Variants in NLGN2 observed in about 807,000 individuals in gnomAD.
NLGN2 encodes neuroligin 2, also known as neuroligin-2.
NLGN2 carries 11 observed loss-of-function variants against 48.6 expected under a neutral mutation model. That is an observed-to-expected ratio of 0.23 (90% CI 0.14 to 0.37). NLGN2 has a LOEUF of 0.37. Ranked by LOEUF, NLGN2 falls within the 10% of genes least tolerant of loss-of-function variation. The pLI, the probability that NLGN2 is intolerant of heterozygous loss-of-function variation, is 1.00. For missense variants in NLGN2, 801 were observed against 1,225.2 expected, an observed-to-expected ratio of 0.65 and a Z score of 5.17; for synonymous variants, 548 against 550.0, an observed-to-expected ratio of 1.00 and a Z score of 0.05.
chr17:7,412,780 A>G (rs1444520424), intron 2 of NLGN2, among the ~76,000 whole-genome samples: 1 of 150,808 alleles, frequency 6.6e-6, no homozygotes, highest in Admixed American at 6.6e-5. Flanking sequence ...CAAAATTTTG[A>G]AAAAAAAATG....
Position 7,415,505 on chromosome 17 carries a change from C to G in NLGN2, c.1038-6C>G. On this transcript the variant is annotated splice_region_variant and splice_polypyrimidine_tract_variant and intron_variant, in intron 5 of 6. Transcript: ENST00000302926. Reference sequence around the variant, plus strand: ...AGGTGGTGAGACCCTGACCCCTTCTCCCCAGCTACCACATCGCCTTTGGGC... The same window carrying G: ...AGGTGGTGAGACCCTGACCCCTTCTGCCCAGCTACCACATCGCCTTTGGGC... 6.2e-7 allele frequency: 1 copy of G among 1,613,856 alleles called. No homozygotes were observed. The highest frequency in any genetic ancestry group is 1.3e-5 in the African/African-American group (1 of 75,058).
intron 6 of NLGN2, among the ~76,000 whole-genome samples, chr17:7,416,440 G>C (rs1907106475): frequency 6.6e-6 from 1 of 152,102 alleles, no homozygotes; most frequent in South Asian, 2.1e-4. Flanking sequence ...GTGTGTGTAA[G>C]AGTTTGTGTG....
At chr17:7,404,930 T>G (rs1400413810), upstream of NLGN2, 1 of 151,558 alleles carries the variant, frequency 6.6e-6, no homozygotes, top group Non-Finnish European at 1.5e-5. Context: ...CGGGCTGGGA[T>G]GGACGCGGGG....
chr17:7,417,625 C>T lies in NLGN2; in HGVS notation c.2334C>T (p.Asp778=), dbSNP rs376556572. 61 of 1,415,976 alleles carry T rather than the reference C, an allele frequency of 4.3e-5. No homozygotes were observed. The highest frequency in any genetic ancestry group is 5.9e-5 in the Admixed American group (2 of 33,992). The allele number at this position is 1,415,976 out of a possible 1,614,324, so 87.7% of individuals were successfully genotyped here. ...DYTLALRRAP[D]DVPLLAPGAL... is the part of the protein sequence containing the mutation. ...CCCTGGCCCTGCGCCGGGCACCGGA[C>T]GATGTGCCTCTCTTGGCCCCCGGGG... The change falls in exon 7 of 7, where the codon GAC becomes GAT. Residue 778 remains aspartate, a synonymous_variant. Transcript: ENST00000302926.
intron 1 of NLGN2, among the ~76,000 whole-genome samples, chr17:7,410,413 C>T (rs553451717): frequency 6.6e-6 from 1 of 152,178 alleles, no homozygotes; most frequent in South Asian, 2.1e-4. Flanking sequence ...GTACATGCCC[C>T]ACGTGCCCCC....
At chr17:7,407,371 G>A (rs1035652645), upstream of NLGN2, among the ~76,000 whole-genome samples, 3 of 152,182 alleles carry the variant, frequency 2.0e-5, no homozygotes, top group Admixed American at 6.5e-5. Context: ...GAAATGGAGA[G>A]AGTCTGGGGA....
At chr17:7,409,693 C>T (rs1374113508) in intron 1 of NLGN2, among the ~76,000 whole-genome samples, 1 of 152,034 alleles carries the variant, frequency 6.6e-6, no homozygotes, top group South Asian at 2.1e-4. Context: ...GCCTGGTACC[C>T]AGGAGCTCCT....
upstream of NLGN2, among the ~76,000 whole-genome samples, chr17:7,407,192 C>T (rs906121374): frequency 2.6e-5 from 4 of 152,208 alleles, no homozygotes; most frequent in Non-Finnish European, 5.9e-5. Context: ...TCCTCCAGAA[C>T]CCCCCTCCAG....
In NLGN2 at chr17:7,411,680, T is replaced by C. The variant is rs1173000123; in HGVS notation, c.458-477T>C. Among the ~76,000 whole-genome samples, 3 of 152,160 alleles carry C rather than the reference T, an allele frequency of 2.0e-5. No individual in the cohort carries two copies. The East Asian group carries it at 5.8e-4, about 29-fold the overall frequency. ...AGCCTTGTGGGGGGCGGCAGGCAGGTGCTTCGCTGGCCCTGAAGGGGGCCT... is the reference window on the plus strand; with the variant it reads ...AGCCTTGTGGGGGGCGGCAGGCAGGCGCTTCGCTGGCCCTGAAGGGGGCCT... On this transcript the variant is annotated intron_variant, in intron 1 of 6. Transcript: ENST00000302926. This position sits in a 1 kb window ranked among gnomAD's most constrained non-coding sequence, Gnocchi z 4.5.
upstream of NLGN2, among the ~76,000 whole-genome samples, chr17:7,405,975 G>T: frequency 6.6e-6 from 1 of 152,180 alleles, no homozygotes; most frequent in East Asian, 1.9e-4. The surrounding 1 kb of genome is among the most constrained non-coding windows in gnomAD (Gnocchi z 6.8). Flanking sequence ...GAGAGAGAAG[G>T]CAGAGGGATA....
rs1597714724 is a variant in NLGN2 at position 7,417,726 on chromosome 17, T to C, written c.2435T>C (p.Phe812Ser). The C allele has an allele frequency of 2.2e-5, 18 of 810,326 alleles. No homozygotes were observed. Among genetic ancestry groups the C allele is most frequent in the South Asian group, 1.6e-4 (5 of 30,818 alleles). 50.2% of individuals were successfully genotyped at this position (810,326 alleles called of 1,614,324 possible). A position where few individuals can be genotyped will look rare whatever the true frequency, so the allele number is the denominator to read the frequency against. ...CCCTCCCTTCATCCCTTCGGGCCCT[T>C]CCCCCCGCCCCCTCCCACCGCCACC... is the stretch of plus-strand genomic sequence containing the variant. ...PPPSLHPFGP[F>S]PPPPPTATSH... The change falls in exon 7 of 7, where the codon TTC (phenylalanine) becomes TCC (serine). Residue 812 changes from phenylalanine (F) to serine (S), a missense_variant. Transcript: ENST00000302926.
At position 7,417,850 on chromosome 17, in the gene NLGN2, C is replaced by A; in HGVS notation, c.*51C>A. ...CCGGCCCTCCCTGGCCCGGCCACTCCGAAGGCAGGGAGGAGGACTTGGCAA... is the reference window on the plus strand; with the variant it reads ...CCGGCCCTCCCTGGCCCGGCCACTCAGAAGGCAGGGAGGAGGACTTGGCAA... On this transcript the variant is annotated 3_prime_UTR_variant, in exon 7 of 7. Coordinates refer to ENST00000302926, the MANE Select transcript of NLGN2 (RefSeq NM_020795.4). 2 of 1,346,510 alleles carry A rather than the reference C, an allele frequency of 1.5e-6. No homozygotes were observed. Among genetic ancestry groups the A allele is most frequent in the Admixed American group, 3.4e-5 (1 of 29,184 alleles). The allele number at this position is 1,346,510 out of a possible 1,614,324, so 83.4% of individuals were successfully genotyped here. A position where few individuals can be genotyped will look rare whatever the true frequency, so the allele number is the denominator to read the frequency against.
At chr17:7,412,851 T>C (rs976556237) in intron 2 of NLGN2, among the ~76,000 whole-genome samples, 2 of 152,212 alleles carry the variant, frequency 1.3e-5, no homozygotes, top group African/African-American at 2.4e-5. Flanking sequence ...TTTTCTTTTC[T>C]TGTTGAATCT....
Position 7,419,068 on chromosome 17 carries a change from G to A in NLGN2, c.*1269G>A, listed in dbSNP as rs117934265. On this transcript the variant is annotated 3_prime_UTR_variant, in exon 7 of 7. Transcript: ENST00000302926. ...CAGTTCTCCGTTCCCCTTCATCTCC[G>A]TCCCCCTCTTTGAAGCTGTCCCCAT... 539 of 152,270 alleles carry A rather than the reference G, an allele frequency of 3.5e-3. 7 individuals carry two copies. The highest frequency in any genetic ancestry group is 0.026 in the East Asian group (136 of 5,162). 9.4% of individuals were successfully genotyped at this position (152,270 alleles called of 1,614,324 possible).
Position 7,408,444 on chromosome 17 carries a change from G to A in NLGN2, c.189G>A (p.Leu63=). ...GVRRELNNEI[L]GPVVQFLGVP... ...GGCGCGAGCTCAACAACGAGATCCT[G>A]GGCCCCGTCGTGCAGTTCTTGGGCG... Residue 63 remains leucine, a synonymous_variant, in exon 1 of 7, where the codon CTG becomes CTA. Coordinates refer to ENST00000302926, the MANE Select transcript of NLGN2 (RefSeq NM_020795.4). This position sits in a 1 kb window ranked among gnomAD's most constrained non-coding sequence, Gnocchi z 7.5. 6.4e-7 allele frequency: 1 copy of A among 1,567,298 alleles called. No homozygotes were observed. Among genetic ancestry groups the A allele is most frequent in the South Asian group, 1.2e-5 (1 of 86,216 alleles).
At position 7,417,517 on chromosome 17, in the gene NLGN2, G is replaced by A; in HGVS notation, c.2226G>A (p.Leu742=). The A allele has an allele frequency of 1.3e-6, 2 of 1,503,522 alleles. No individual in the cohort carries two copies. The highest frequency in any genetic ancestry group is 8.9e-7 in the Non-Finnish European group (1 of 1,129,740). 93.1% of individuals were successfully genotyped at this position (1,503,522 alleles called of 1,614,324 possible). The stretch of plus-strand genomic sequence containing the variant: ...GTGAGCTGCCACCAGAGGAGGAGCT[G>A]GTGTCACTGCAGCTGAAGCGGGGTG... The part of the protein sequence containing the change: ...AGRELPPEEE[L]VSLQLKRGGG... Residue 742 remains leucine (L), a synonymous_variant, in exon 7 of 7, where the codon CTG becomes CTA. Coordinates refer to ENST00000302926, the MANE Select transcript of NLGN2 (RefSeq NM_020795.4).
At position 7,410,774 on chromosome 17, in the gene NLGN2, G is replaced by A. The variant is rs148783378; in HGVS notation, c.458-1383G>A. On this transcript the variant is annotated intron_variant, in intron 1 of 6. Transcript: ENST00000302926. ...CCTGACACATTCAGGTGATCTCACT[G>A]AATCTTCACACCAGCTCTGGGAGGA... Among the ~76,000 whole-genome samples, 1,395 of 152,350 alleles carry A rather than the reference G, an allele frequency of 9.2e-3. 17 individuals are homozygous for A. Among genetic ancestry groups the A allele is most frequent in the African/African-American group, 0.032 (1,321 of 41,570 alleles).
rs1907304354 is a variant in NLGN2, at chr17:7,419,603, C to T, written c.*1804C>T. 6.6e-6 allele frequency: 1 copy of T among 152,572 alleles called. No homozygotes were observed. Among genetic ancestry groups the T allele is most frequent in the East Asian group, 1.9e-4 (1 of 5,200 alleles). The allele number at this position is 152,572 out of a possible 1,614,324, so 9.5% of individuals were successfully genotyped here. On this transcript the variant is annotated 3_prime_UTR_variant, in exon 7 of 7. Coordinates refer to ENST00000302926, the MANE Select transcript of NLGN2 (RefSeq NM_020795.4). ...TGATCCTTTCCCCTGCCTGGTCTAG[C>T]TCCTCTCCAAACAGCCATGCCCTCC...
In NLGN2 at chr17:7,413,855, G is replaced by A. The variant is rs1325839182; in HGVS notation, c.509-489G>A. The stretch of plus-strand genomic sequence containing the variant: ...TGGCACCCCTCACCCACAGACCAGG[G>A]ACCCTAGGCCTGGCACCCCTCACCC... On this transcript the variant is annotated intron_variant, in intron 2 of 6. Coordinates refer to ENST00000302926, the MANE Select transcript of NLGN2 (RefSeq NM_020795.4). This position sits in a 1 kb window ranked among gnomAD's most constrained non-coding sequence, Gnocchi z 4.9. 3.3e-5 allele frequency among the ~76,000 whole-genome samples: 5 copies of A among 151,988 alleles called. No homozygotes were observed. The highest frequency in any genetic ancestry group is 6.6e-5 in the Admixed American group (1 of 15,258).
Sources: allele counts gnomAD v4.1 joint callset (sites outside exome capture counted in the v4.1 genomes callset), GRCh38; gene constraint gnomAD v4.1.1; non-coding constraint Gnocchi (gnomAD v3.1); transcripts MANE v1.5; gene names NCBI Gene and HGNC (gene_info 2026-07-23, HGNC 2026-07-21).